PLXNB2: variants seen among roughly 807,000 people sequenced by gnomAD.
PLXNB2 encodes the protein plexin B2, also known as plexin-B2.
Under a neutral mutation model 202.6 loss-of-function variants are expected in PLXNB2, and 85 were observed. The ratio of observed to expected loss-of-function variants is 0.42; its 90% CI spans 0.35 to 0.50. The LOEUF (loss-of-function observed/expected upper bound fraction) is 0.50, where lower values mean the gene tolerates loss of function less well. Ranked by LOEUF, PLXNB2 falls within the 20% of genes least tolerant of loss-of-function variation. The probability of loss-of-function intolerance (pLI) is 0.02; values close to 1 mark genes in which losing one functional copy is unlikely to be tolerated. For missense variants in PLXNB2, 2,063 were observed against 2,586.2 expected (o/e 0.80, Z 4.39); for synonymous variants, 1,239 against 1,137.6 (o/e 1.09, Z -1.79).
chr22:50,303,384 C>A (rs1276939200), intron 1 of PLXNB2, among the ~76,000 whole-genome samples: 4 of 152,214 alleles, frequency 2.6e-5, no homozygotes, highest in African/African-American at 7.2e-5. Context: ...AAGGAGCAGA[C>A]AGTGCCCCCA....
In PLXNB2 at chr22:50,281,762, C is replaced by A; in HGVS notation, c.3346-20G>T. 1 of 1,558,792 alleles carries A rather than the reference C, an allele frequency of 6.4e-7. No homozygotes were observed. Among genetic ancestry groups the A allele is most frequent in the South Asian group, 1.2e-5 (1 of 82,232 alleles). ...GGTGCCCTGGGGAGGCGGCAGTGGT[C>A]GGGGTGAGGAGGAGGGAACCAGGGA... is the stretch of plus-strand genomic sequence containing the variant. On this transcript the variant is annotated intron_variant, in intron 20 of 36. Transcript: ENST00000359337.
chr22:50,285,888 G>A lies in PLXNB2; in HGVS notation c.2000C>T (p.Pro667Leu). The A allele has an allele frequency of 1.2e-6, 2 of 1,612,466 alleles. No individual in the cohort carries two copies. Among genetic ancestry groups the A allele is most frequent in the Non-Finnish European group, 1.7e-6 (2 of 1,179,592 alleles). The change falls in exon 11 of 37, where the codon CCC becomes CTC. Residue 667 changes from proline to leucine, a missense_variant. Physicochemically the swap from Pro to Leu is moderately conservative, Grantham distance 98. Coordinates refer to ENST00000359337, the MANE Select transcript of PLXNB2 (RefSeq NM_012401.4). ...CAGGGGGCTGGGTCCCAGGAACTGG[G>A]GACAGCTGTCCTCCTGGGAGAGTAA... Reference protein sequence around the residue: ...IVRAHMEDSCPQFLGPSPLVI... With the variant: ...IVRAHMEDSCLQFLGPSPLVI...
intron 2 of PLXNB2, among the ~76,000 whole-genome samples, chr22:50,293,464 C>T (rs1451835009): frequency 6.6e-6 from 1 of 152,186 alleles, no homozygotes; most frequent in African/African-American, 2.4e-5. Flanking sequence ...ACGTCCAGGC[C>T]CCTCGGCCCT....
rs779118429 is a variant in PLXNB2 at position 50,281,994 on chromosome 22, G to A, written c.3205C>T (p.Leu1069Phe). Residue 1069 changes from leucine to phenylalanine, a missense_variant, in exon 20 of 37, where the codon CTC becomes TTC. This residue lies in a region of PLXNB2 where 760 missense variants were observed against 1,109.4 expected (regional missense o/e 0.69). Transcript: ENST00000359337. ...CCGTCCATCTCGATCAGCACCGTGA[G>A]GTTGTAGGCCTCTGGCTCCTCAGGC... ...AVPEEPEAYN[L>F]TVLIEMDGHR... 47 of 1,613,004 alleles carry A rather than the reference G, an allele frequency of 2.9e-5. No homozygotes were observed. Among genetic ancestry groups the A allele is most frequent in the Non-Finnish European group, 3.5e-5 (41 of 1,179,956 alleles).
chr22:50,278,221 T>C lies in PLXNB2; in HGVS notation c.4783A>G (p.Thr1595Ala). 1 of 1,610,036 alleles carries C rather than the reference T, an allele frequency of 6.2e-7. No homozygotes were observed. The highest frequency in any genetic ancestry group is 1.1e-5 in the South Asian group (1 of 91,086). The change falls in exon 31 of 37, where the codon ACC (threonine) becomes GCC (alanine). Residue 1595 changes from threonine to alanine, a missense_variant. This residue lies in a region of PLXNB2 where 760 missense variants were observed against 1,109.4 expected (regional missense o/e 0.69). Coordinates refer to ENST00000359337, the MANE Select transcript of PLXNB2 (RefSeq NM_012401.4). Reference sequence around the variant, plus strand: ...GACTTGCCCTCGTCCACCTCGTCGGTCGGCCGCACCAGGTGCCACACCCGG... The same window carrying C: ...GACTTGCCCTCGTCCACCTCGTCGGCCGGCCGCACCAGGTGCCACACCCGG... ...ENRVWHLVRP[T>A]DEVDEGKSKR...
chr22:50,275,739 C>A lies in PLXNB2; in HGVS notation c.5482G>T (p.Ala1828Ser). The stretch of plus-strand genomic sequence containing the variant: ...GTGACCTTGTTCTCCAGTGCAGCGG[C>A]AATCTGCTGCAGGCGGAAGGCCAGC... ...MQLAFRLQQI[A>S]AALENKVTDL Residue 1828 changes from alanine (A) to serine (S), a missense_variant, in exon 37 of 37, where the codon GCC (alanine) becomes TCC (serine). Around this residue, in one of 2 missense-constraint regions of PLXNB2, gnomAD observed 760 missense variants for 1,109.4 expected, o/e 0.69. Coordinates refer to ENST00000359337, the MANE Select transcript of PLXNB2 (RefSeq NM_012401.4). 1 of 1,611,244 alleles carries A rather than the reference C, an allele frequency of 6.2e-7. No homozygotes were observed. The highest frequency in any genetic ancestry group is 8.5e-7 in the Non-Finnish European group (1 of 1,178,942).
rs920278466 is a variant in PLXNB2, at chr22:50,307,616, C to G, written c.-137G>C. On this transcript the variant is annotated 5_prime_UTR_variant, in exon 1 of 37. Coordinates refer to ENST00000359337, the MANE Select transcript of PLXNB2 (RefSeq NM_012401.4). Reference sequence around the variant, plus strand: ...GCGCTCGGCGCTGCGCTCTGGCCCGCGCTGCTGCCATGGAGACGGGGCCTT... The same window carrying G: ...GCGCTCGGCGCTGCGCTCTGGCCCGGGCTGCTGCCATGGAGACGGGGCCTT... 1.5e-5 allele frequency: 15 copies of G among 981,688 alleles called. No homozygotes were observed. Among genetic ancestry groups the G allele is most frequent in the African/African-American group, 7.1e-5 (4 of 56,448 alleles). The allele number at this position is 981,688 out of a possible 1,614,324, so 60.8% of individuals were successfully genotyped here. A position where few individuals can be genotyped will look rare whatever the true frequency, so the allele number is the denominator to read the frequency against.
chr22:50,289,790 C>G lies in PLXNB2; in HGVS notation c.795G>C (p.Gln265His), dbSNP rs200109107. The change falls in exon 3 of 37, where the codon CAG becomes CAC. Residue 265 changes from glutamine (Q) to histidine (H), a missense_variant. Gln to His is a conservative substitution (Grantham distance 24, BLOSUM62 0). This residue lies in a region of PLXNB2 where 1,303 missense variants were observed against 1,476.8 expected (regional missense o/e 0.88). Coordinates refer to ENST00000359337, the MANE Select transcript of PLXNB2 (RefSeq NM_012401.4). The surrounding 1 kb of genome is among the most constrained non-coding windows in gnomAD (Gnocchi z 8.0). ...CGGCGTGGATGTCGGGGTCCCGGCACTGCAGGTCCATCTCCAGGTAGGAGT... is the reference window on the plus strand; with the variant it reads ...CGGCGTGGATGTCGGGGTCCCGGCAGTGCAGGTCCATCTCCAGGTAGGAGT... Reference protein sequence around the residue: ...NYYSYLEMDLQCRDPDIHAAA... With the variant: ...NYYSYLEMDLHCRDPDIHAAA... 3.7e-6 allele frequency: 6 copies of G among 1,613,102 alleles called. No individual in the cohort carries two copies. In the Admixed American group the frequency reaches 1.0e-4, roughly 27 times the overall value.
At chr22:50,286,582 T>C (rs2147476847) in intron 8 of PLXNB2, among the ~76,000 whole-genome samples, 1 of 152,302 alleles carries the variant, frequency 6.6e-6, no homozygotes, top group South Asian at 2.1e-4. Flanking sequence ...CCAGGTTGCT[T>C]TCATACCCTC....
intron 1 of PLXNB2, among the ~76,000 whole-genome samples, chr22:50,295,458 AC>A (rs1482569701): frequency 1.3e-5 from 2 of 152,240 alleles, no homozygotes; most frequent in East Asian, 3.9e-4. Context: ...ATGGTGAGCT[AC>A]CCCCAGAGGT....
rs751837061 is a variant in PLXNB2, at chr22:50,275,361, C to A, written c.*343G>T. 6.4e-6 allele frequency: 3 copies of A among 469,054 alleles called. No homozygotes were observed. The highest frequency in any genetic ancestry group is 6.5e-5 in the East Asian group (1 of 15,494). 29.1% of individuals were successfully genotyped at this position (469,054 alleles called of 1,614,324 possible). ...AGGGGCCCAACCTAGGGCATGGAGG[C>A]GGCTGCTGGTGCGTGGGCGGAGGCG... On this transcript the variant is annotated 3_prime_UTR_variant, in exon 37 of 37. Transcript: ENST00000359337.
intron 2 of PLXNB2, 95 bp downstream of exon 2, chr22:50,294,624 G>A: frequency 5.0e-6 from 2 of 396,748 alleles, no homozygotes; most frequent in Non-Finnish European, 6.9e-6. Flanking sequence ...GCTGGACAGA[G>A]CCTTGCAGAC....
rs182751953 is a variant in PLXNB2 at position 50,285,114 on chromosome 22, G to A, written c.2089-449C>T. The stretch of plus-strand genomic sequence containing the variant: ...CTACCTCATGTGGGGGCCCCGAGTC[G>A]GGGGGCACGGGTGGAGCTCAGGCTT... On this transcript the variant is annotated intron_variant, in intron 11 of 36. Transcript: ENST00000359337. 4.9e-4 allele frequency among the ~76,000 whole-genome samples: 75 copies of A among 152,172 alleles called. 1 individual carries two copies. Among genetic ancestry groups the A allele is most frequent in the African/African-American group, 1.6e-3 (66 of 41,490 alleles).
At position 50,288,126 on chromosome 22, in the gene PLXNB2, C is replaced by T; in HGVS notation, c.1381-89G>A. On this transcript the variant is annotated intron_variant, in intron 5 of 36. Coordinates refer to ENST00000359337, the MANE Select transcript of PLXNB2 (RefSeq NM_012401.4). The surrounding 1 kb of genome is among the most constrained non-coding windows in gnomAD (Gnocchi z 5.0). ...GATGTCCCCAGACCGCCAGCTTGAC[C>T]CAGCTCTGTCCCGGGGCCTCGGGAG... 2 of 985,718 alleles carry T rather than the reference C, an allele frequency of 2.0e-6. No homozygotes were observed. The highest frequency in any genetic ancestry group is 3.1e-6 in the Non-Finnish European group (2 of 651,794). 61.1% of individuals were successfully genotyped at this position (985,718 alleles called of 1,614,324 possible).
chr22:50,299,029 T>G (rs1315682331), intron 1 of PLXNB2, among the ~76,000 whole-genome samples: 1 of 152,136 alleles, frequency 6.6e-6, no homozygotes, highest in Admixed American at 6.5e-5. Flanking sequence ...TGGGGGCTGC[T>G]CTTGGCCAGG....
Position 50,283,672 on chromosome 22 carries a change from C to A in PLXNB2, c.2500G>T (p.Asp834Tyr). ...CCGGCCACAGAGATCCTCTGGATGTCCCCTGCTTGGACGCCCAAATTGGAC... is the reference window on the plus strand; with the variant it reads ...CCGGCCACAGAGATCCTCTGGATGTACCCTGCTTGGACGCCCAAATTGGAC... ...LGSNLGVQAG[D>Y]IQRISVAGRN... The change falls in exon 15 of 37, where the codon GAC (aspartate) becomes TAC (tyrosine). Residue 834 changes from aspartate to tyrosine, a missense_variant. This residue lies in a region of PLXNB2 where 1,303 missense variants were observed against 1,476.8 expected (regional missense o/e 0.88). Transcript: ENST00000359337. 2 of 1,613,136 alleles carry A rather than the reference C, an allele frequency of 1.2e-6. No individual in the cohort carries two copies. Among genetic ancestry groups the A allele is most frequent in the East Asian group, 2.2e-5 (1 of 44,878 alleles).
In PLXNB2 at chr22:50,281,391, C is replaced by T. The variant is rs1435253814; in HGVS notation, c.3631G>A (p.Val1211Ile). ...ILPLVIVPMV[V>I]VIAVSVYCYW... ...CAGTAGACAGACACCGCGATGACGA[C>T]CACCATGGGCACGATGACCAGCGGC... The change falls in exon 22 of 37, where the codon GTC becomes ATC. Residue 1211 changes from valine to isoleucine, a missense_variant. Transcript: ENST00000359337. 1 of 1,612,376 alleles carries T rather than the reference C, an allele frequency of 6.2e-7. No individual in the cohort carries two copies. The highest frequency in any genetic ancestry group is 8.5e-7 in the Non-Finnish European group (1 of 1,179,764).
At position 50,287,762 on chromosome 22, in the gene PLXNB2, C is replaced by G; in HGVS notation, c.1513G>C (p.Glu505Gln). The G allele has an allele frequency of 6.3e-7, 1 of 1,579,176 alleles. No individual in the cohort carries two copies. Residue 505 changes from glutamate (E) to glutamine (Q), a missense_variant, in exon 7 of 37, where the codon GAG becomes CAG. By Grantham distance (29) the Glu-to-Gln change is conservative. Coordinates refer to ENST00000359337, the MANE Select transcript of PLXNB2 (RefSeq NM_012401.4). ...CTRKAECPRAEEASHWLWSRS... is the reference protein window; with the variant it reads ...CTRKAECPRAQEASHWLWSRS... ...CTCCACAGCCAGTGGCTGGCCTCCT[C>G]GGCCCGCGGACACTCGGCCTTCCGG...
intron 35 of PLXNB2, 142 bp downstream of exon 35, chr22:50,276,487 G>A (rs1236565414): frequency 1.6e-5 from 11 of 706,008 alleles, no homozygotes; most frequent in Admixed American, 6.6e-5. Context: ...CACTTCACAT[G>A]GCCGAGCCCA....
Sources: gnomAD v4.1 joint callset for allele counts (sites outside exome capture counted in the v4.1 genomes callset) on GRCh38, gnomAD v4.1.1 for gene constraint, gnomAD v4.1.1 regional missense constraint, Gnocchi (gnomAD v3.1) non-coding constraint, MANE v1.5 for transcripts, NCBI Gene and HGNC (gene_info 2026-07-23, HGNC 2026-07-21) for gene names.